Variants in GABRB2 observed in about 807,000 individuals in gnomAD.
The protein encoded by GABRB2 is gamma-aminobutyric acid type A receptor subunit beta2.
In GABRB2, 16 loss-of-function variants were observed where a neutral mutation model predicts 54.7. That is an observed-to-expected ratio of 0.29 (90% CI 0.20 to 0.44). The LOEUF is 0.44. GABRB2 is among the 20% of genes least tolerant of loss of function. GABRB2 has a pLI of 1.00. For missense variants in GABRB2, 355 were observed against 644.0 expected (o/e 0.55, Z 4.86); for synonymous variants, 244 against 233.8 (o/e 1.04, Z -0.40).
At chr5:161,522,748 G>C (rs1760155941) in intron 3 of GABRB2, among the ~76,000 whole-genome samples, 1 of 151,498 alleles carries the variant, frequency 6.6e-6, no homozygotes, top group Non-Finnish European at 1.5e-5. Flanking sequence ...AGGTGTATCA[G>C]GTTTAAAATC....
At chr5:161,484,145 G>C (rs1221657928) in intron 3 of GABRB2, among the ~76,000 whole-genome samples, 2 of 151,764 alleles carry the variant, frequency 1.3e-5, no homozygotes, top group African/African-American at 4.8e-5. Flanking sequence ...ATCTTAATTG[G>C]TTCATTCCAT....
At chr5:161,382,517 A>T (rs547659394) in intron 5 of GABRB2, among the ~76,000 whole-genome samples, 2 of 151,968 alleles carry the variant, frequency 1.3e-5, no homozygotes, top group Non-Finnish European at 2.9e-5. Flanking sequence ...TTAAAAAAAA[A>T]GACTGCTTAT....
chr5:161,540,344 G>C (rs958483360), intron 3 of GABRB2, among the ~76,000 whole-genome samples: 4 of 152,184 alleles, frequency 2.6e-5, no homozygotes, highest in Non-Finnish European at 5.9e-5. Flanking sequence ...GTTTGATCAT[G>C]AGATTGCAGC....
chr5:161,294,520 T>G, intron 9 of GABRB2, 92 bp from the exon 10 acceptor site: 2 of 1,071,812 alleles, frequency 1.9e-6, no homozygotes, highest in South Asian at 3.0e-5. Context: ...CTTAAGGGAT[T>G]TATAGGAGTG....
chr5:161,441,373 T>C (rs758167328), intron 4 of GABRB2, among the ~76,000 whole-genome samples: 3 of 152,150 alleles, frequency 2.0e-5, no homozygotes, highest in Non-Finnish European at 4.4e-5. Flanking sequence ...TCTCAGATCA[T>C]CAGAGAAATG....
chr5:161,504,589 T>C (rs1388207011), intron 3 of GABRB2, among the ~76,000 whole-genome samples: 1 of 152,010 alleles, frequency 6.6e-6, no homozygotes, highest in Non-Finnish European at 1.5e-5. Context: ...TATGCCTATA[T>C]TTGAAAGGAA....
At chr5:161,425,148 T>C (rs1756962654) in intron 4 of GABRB2, among the ~76,000 whole-genome samples, 1 of 152,092 alleles carries the variant, frequency 6.6e-6, no homozygotes, top group Non-Finnish European at 1.5e-5. Flanking sequence ...GAAAATGCTA[T>C]GAATATCATT....
At chr5:161,515,902 T>C (rs1309848264) in intron 3 of GABRB2, among the ~76,000 whole-genome samples, 1 of 152,124 alleles carries the variant, frequency 6.6e-6, no homozygotes, top group Non-Finnish European at 1.5e-5. Context: ...ATTAGAAACG[T>C]ATGTGAAGAA....
chr5:161,535,137 G>T (rs1049791504), intron 3 of GABRB2, among the ~76,000 whole-genome samples: 9 of 152,064 alleles, frequency 5.9e-5, no homozygotes, highest in Admixed American at 3.9e-4. Context: ...CATTCACAAT[G>T]AAAGAAATTA....
At chr5:161,523,619 G>A (rs991835327) in intron 3 of GABRB2, among the ~76,000 whole-genome samples, 1 of 151,440 alleles carries the variant, frequency 6.6e-6, no homozygotes, top group South Asian at 2.1e-4. Flanking sequence ...GCTTGGCTCT[G>A]TTCTTTGGTT....
chr5:161,420,084 C>T lies in GABRB2; in HGVS notation c.459-9027G>A, dbSNP rs1756803619. Among the ~76,000 whole-genome samples, 3 of 152,152 alleles carry T rather than the reference C, an allele frequency of 2.0e-5. 1 individual carries two copies. The highest frequency in any genetic ancestry group is 7.2e-5 in the African/African-American group (3 of 41,450). On this transcript the variant is annotated intron_variant, in intron 4 of 9. Coordinates refer to ENST00000393959, the MANE Select transcript of GABRB2 (RefSeq NM_001371727.1). Reference sequence around the variant, plus strand: ...GATTAATTTTTTTCTCAATGTAAAACAAATGCCTCAATATGCCAGATACTT... The same window carrying T: ...GATTAATTTTTTTCTCAATGTAAAATAAATGCCTCAATATGCCAGATACTT...
chr5:161,429,226 A>G (rs1757098814), intron 4 of GABRB2, among the ~76,000 whole-genome samples: 1 of 151,358 alleles, frequency 6.6e-6, no homozygotes, highest in Non-Finnish European at 1.5e-5. Flanking sequence ...GCACACCTGT[A>G]ATCCCATCTA....
At chr5:161,446,531 A>G (rs1251579006) in intron 4 of GABRB2, among the ~76,000 whole-genome samples, 1 of 152,060 alleles carries the variant, frequency 6.6e-6, no homozygotes, top group Non-Finnish European at 1.5e-5. Context: ...TCAACCCATT[A>G]AATCATCATG....
At chr5:161,525,324 T>C (rs1760244627) in intron 3 of GABRB2, among the ~76,000 whole-genome samples, 2 of 151,500 alleles carry the variant, frequency 1.3e-5, no homozygotes, top group South Asian at 4.1e-4. Context: ...GTTTAACAAA[T>C]AAAATATTCC....
chr5:161,507,020 G>T (rs1387706997), intron 3 of GABRB2, among the ~76,000 whole-genome samples: 2 of 152,082 alleles, frequency 1.3e-5, no homozygotes, highest in African/African-American at 4.8e-5. Context: ...AATTAGTCGG[G>T]TAAGAAAACA....
At chr5:161,534,189 T>C (rs1375869226) in intron 3 of GABRB2, among the ~76,000 whole-genome samples, 1 of 152,196 alleles carries the variant, frequency 6.6e-6, no homozygotes, top group Admixed American at 6.5e-5. Context: ...TTGATAATTT[T>C]TGAAGACATT....
intron 4 of GABRB2, among the ~76,000 whole-genome samples, chr5:161,429,352 A>AAAAAAAAAAAAG (rs1580978502): frequency 6.7e-6 from 1 of 148,832 alleles, no homozygotes; most frequent in Non-Finnish European, 1.5e-5. Context: ...TCTCAAAAAA[A>AAAAAAAAAAAAG]AAAAAAGAAA....
chr5:161,362,280 G>A (rs1754836816), intron 5 of GABRB2, among the ~76,000 whole-genome samples: 2 of 152,148 alleles, frequency 1.3e-5, no homozygotes, highest in Admixed American at 6.6e-5. Flanking sequence ...AGTTCCATAT[G>A]AAATGTAAAG....
At position 161,546,389 on chromosome 5, in the gene GABRB2, C is replaced by G; in HGVS notation, c.102G>C (p.Ser34=). ...AQSVNDPSNM[S]LVKETVDRLL... is the part of the protein sequence containing the mutation. ...GTCTATCCACCGTCTCTTTAACCAG[C>G]GACATATTACTAGGGTCATTGACAC... Residue 34 remains serine (S), a synonymous_variant, in exon 2 of 10, where the codon TCG becomes TCC. Transcript: ENST00000393959. 6.2e-7 allele frequency: 1 copy of G among 1,614,044 alleles called. No homozygotes were observed. The highest frequency in any genetic ancestry group is 1.3e-5 in the African/African-American group (1 of 75,028).
Sources: allele counts gnomAD v4.1 joint callset (sites outside exome capture counted in the v4.1 genomes callset), GRCh38; gene constraint gnomAD v4.1.1; transcripts MANE v1.5; gene names NCBI Gene and HGNC (gene_info 2026-07-23, HGNC 2026-07-21).